PARP8: variants seen among roughly 807,000 people sequenced by gnomAD.
PARP8 encodes the protein protein mono-ADP-ribosyltransferase PARP8.
PARP8 carries 51 observed loss-of-function variants against 124.1 expected under a neutral mutation model. That is an observed-to-expected ratio of 0.41 (90% CI 0.33 to 0.52). The LOEUF is 0.52. Ranked by LOEUF, PARP8 falls within the 20% of genes least tolerant of loss-of-function variation. The pLI, the probability that PARP8 is intolerant of heterozygous loss-of-function variation, is 0.21. For missense variants in PARP8, 860 were observed against 1,018.9 expected (o/e 0.84, Z 2.12); for synonymous variants, 391 against 361.5 (o/e 1.08, Z -0.93).
At chr5:50,808,658 CG>C in intron 14 of PARP8, among the ~76,000 whole-genome samples, 1 of 152,078 alleles carries the variant, frequency 6.6e-6, no homozygotes, top group South Asian at 2.1e-4. Context: ...TACAGCTATC[CG>C]TTTGGGAACA....
At chr5:50,684,113 G>C (rs915585441) in intron 2 of PARP8, among the ~76,000 whole-genome samples, 1 of 149,548 alleles carries the variant, frequency 6.7e-6, no homozygotes, top group Non-Finnish European at 1.5e-5. Flanking sequence ...GAACAGTTTT[G>C]ACTAACAGCC....
At chr5:50,833,114 C>T (rs939983946) in intron 23 of PARP8, among the ~76,000 whole-genome samples, 4 of 152,128 alleles carry the variant, frequency 2.6e-5, no homozygotes, top group African/African-American at 7.2e-5. Context: ...AAAGTAGACA[C>T]ATATTCCGTC....
chr5:50,826,169 A>C (rs1746330574), intron 18 of PARP8, among the ~76,000 whole-genome samples: 1 of 152,006 alleles, frequency 6.6e-6, no homozygotes, highest in Non-Finnish European at 1.5e-5. Context: ...TCTTCTTTCA[A>C]GATGAAGAGA....
Position 50,750,129 on chromosome 5 carries a change from TTTTG to T in PARP8, c.147-10_147-7del, listed in dbSNP as rs775727590. On this transcript the variant is annotated intron_variant, in intron 2 of 25. Transcript: ENST00000281631. Reference sequence around the variant, plus strand: ...CTACCTTAGCAATAACTTGAGCCTTTTTTGTTTGTTTGTTTTAACAGTGTATCCT... The same window carrying T: ...CTACCTTAGCAATAACTTGAGCCTTTTTTGTTTGTTTTAACAGTGTATCCT... 9.6e-6 allele frequency: 15 copies of T among 1,558,318 alleles called. No individual in the cohort carries two copies. The Admixed American group carries it at 1.2e-4, about 13-fold the overall frequency.
intron 14 of PARP8, among the ~76,000 whole-genome samples, chr5:50,812,928 G>T (rs1054331060): frequency 4.6e-5 from 7 of 151,896 alleles, no homozygotes; most frequent in South Asian, 2.1e-4. Context: ...ATTTCTGAGG[G>T]CTCTGTTCTG....
Position 50,759,749 on chromosome 5 carries a change from T to A in PARP8, c.274+17T>A, listed in dbSNP as rs1292138873. On this transcript the variant is annotated intron_variant, in intron 4 of 25. Transcript: ENST00000281631. ...TAGCAACAGGTAATAGTAGTATTAT[T>A]TTTTATACTAGGTTAATTTTTTAAA... is the stretch of plus-strand genomic sequence containing the variant. The A allele has an allele frequency of 6.5e-7, 1 of 1,544,390 alleles. No individual in the cohort carries two copies. Among genetic ancestry groups the A allele is most frequent in the Non-Finnish European group, 8.7e-7 (1 of 1,155,520 alleles).
intron 2 of PARP8, among the ~76,000 whole-genome samples, chr5:50,712,227 A>G (rs1754833160): frequency 6.6e-6 from 1 of 152,174 alleles, no homozygotes; most frequent in Non-Finnish European, 1.5e-5. Context: ...ACCATTTTGT[A>G]GGCTCCTCCC....
chr5:50,708,745 T>G (rs1300050596), intron 2 of PARP8, among the ~76,000 whole-genome samples: 1 of 151,190 alleles, frequency 6.6e-6, no homozygotes, highest in Non-Finnish European at 1.5e-5. Flanking sequence ...AGCCCTTCAC[T>G]GTGGAGACTC....
intron 2 of PARP8, among the ~76,000 whole-genome samples, chr5:50,671,348 G>A (rs141228081): frequency 0.039 from 5,959 of 152,210 alleles, 372 homozygotes; most frequent in African/African-American, 0.14. Context: ...AGTCCCTGGG[G>A]CCAGTGGTTA....
chr5:50,771,744 A>G (rs900906663), intron 7 of PARP8, among the ~76,000 whole-genome samples: 2 of 148,246 alleles, frequency 1.3e-5, no homozygotes, highest in Non-Finnish European at 1.5e-5. Context: ...TTGACACATA[A>G]TAATTGTGCA....
chr5:50,738,876 G>C (rs1213846062), intron 2 of PARP8: 1 of 651,494 alleles, frequency 1.5e-6, no homozygotes, highest in East Asian at 2.7e-5. Flanking sequence ...ATTTGTTCAT[G>C]TAATAAAAAA....
chr5:50,729,530 C>T (rs1412659951), intron 2 of PARP8, among the ~76,000 whole-genome samples: 7 of 152,102 alleles, frequency 4.6e-5, no homozygotes, highest in Non-Finnish European at 7.4e-5. Context: ...AATATTCTTG[C>T]GTGTAAAATA....
intron 10 of PARP8, among the ~76,000 whole-genome samples, chr5:50,791,835 G>A (rs1413246971): frequency 1.3e-5 from 2 of 151,990 alleles, no homozygotes; most frequent in Non-Finnish European, 2.9e-5. Context: ...CTCCACATTT[G>A]TAAAACGAAA....
chr5:50,667,733 C>T (rs1466195993), intron 1 of PARP8: 4 of 703,710 alleles, frequency 5.7e-6, no homozygotes, highest in South Asian at 4.5e-5. Context: ...ACCCAGCGCC[C>T]CTGCCTGGGG....
chr5:50,770,731 A>AAGAAAG (rs1410932047), intron 7 of PARP8, among the ~76,000 whole-genome samples: 2 of 152,094 alleles, frequency 1.3e-5, no homozygotes, highest in Non-Finnish European at 2.9e-5. Context: ...AAACGAAGGA[A>AAGAAAG]AGAAAGAGAA....
chr5:50,772,678 C>A (rs1323904475), intron 7 of PARP8, among the ~76,000 whole-genome samples: 1 of 150,758 alleles, frequency 6.6e-6, no homozygotes, highest in Non-Finnish European at 1.5e-5. Flanking sequence ...GGGTCTTTTG[C>A]CTTTTATTTT....
At chr5:50,727,065 T>A (rs546214711) in intron 2 of PARP8, among the ~76,000 whole-genome samples, 1 of 152,234 alleles carries the variant, frequency 6.6e-6, no homozygotes, top group African/African-American at 2.4e-5. Flanking sequence ...CTGAAGGTTG[T>A]GAGAAAAACA....
chr5:50,778,523 A>G, intron 8 of PARP8, 37 bp from the exon 9 acceptor site: 2 of 1,524,538 alleles, frequency 1.3e-6, no homozygotes, highest in Non-Finnish European at 1.8e-6. Flanking sequence ...TGAACTCTAA[A>G]AGATGATTAA....
rs560701653 is a variant in PARP8, at chr5:50,830,074, T to C, written c.2233+113T>C. 4.1e-5 allele frequency: 50 copies of C among 1,220,872 alleles called. No individual in the cohort carries two copies. In the East Asian group the frequency reaches 1.2e-3, roughly 28 times the overall value. 75.6% of individuals were successfully genotyped at this position (1,220,872 alleles called of 1,614,324 possible). ...CCTTATTAGATATATTTTTATTAAA[T>C]TTGTTTGCTAAATGTCAAAAGCAAA... On this transcript the variant is annotated intron_variant, in intron 22 of 25. Coordinates refer to ENST00000281631, the MANE Select transcript of PARP8 (RefSeq NM_024615.4).
Sources: allele counts gnomAD v4.1 joint callset (sites outside exome capture counted in the v4.1 genomes callset), GRCh38; gene constraint gnomAD v4.1.1; transcripts MANE v1.5; gene names NCBI Gene and HGNC (gene_info 2026-07-23, HGNC 2026-07-21).